GPC6: variants seen among roughly 807,000 people sequenced by gnomAD.
GPC6 encodes glypican 6.
In GPC6, 14 loss-of-function variants were observed where a neutral mutation model predicts 55.2. The observed-to-expected ratio is 0.25, with a 90% CI of 0.17 to 0.40. The LOEUF is 0.40. GPC6 is among the 10% of genes least tolerant of loss of function. The pLI is 1.00. For missense variants in GPC6, 641 were observed against 708.5 expected (o/e 0.90, Z 1.08); for synonymous variants, 278 against 259.6 (o/e 1.07, Z -0.68).
chr13:93,775,145 T>C (rs1885425617), intron 2 of GPC6, among the ~76,000 whole-genome samples: 1 of 152,202 alleles, frequency 6.6e-6, no homozygotes, highest in Non-Finnish European at 1.5e-5. Context: ...TGCTAAGTAG[T>C]TAATCCTCAT....
At chr13:94,256,422 A>G (rs981560093) in intron 4 of GPC6, among the ~76,000 whole-genome samples, 2 of 152,182 alleles carry the variant, frequency 1.3e-5, no homozygotes, top group Non-Finnish European at 2.9e-5. Flanking sequence ...CAGTGAGAAC[A>G]ATGATTTAGA....
chr13:94,183,909 AC>A (rs1468894585), intron 4 of GPC6, among the ~76,000 whole-genome samples: 2 of 152,180 alleles, frequency 1.3e-5, no homozygotes, highest in Admixed American at 6.5e-5. Context: ...TGGTTCATAG[AC>A]CACTGTAACA....
rs140353483 is a variant in GPC6, at chr13:93,292,810, T to G, written c.160+65194T>G. Among the ~76,000 whole-genome samples, 572 of 152,314 alleles carry G rather than the reference T, an allele frequency of 3.8e-3. 1 individual carries two copies. Among genetic ancestry groups the G allele is most frequent in the African/African-American group, 0.012 (511 of 41,564 alleles). Reference sequence around the variant, plus strand: ...TTCAAATATACAGTATTTAAATCTTTAGTAGGTGTCAATTTCTACAATTAA... The same window carrying G: ...TTCAAATATACAGTATTTAAATCTTGAGTAGGTGTCAATTTCTACAATTAA... On this transcript the variant is annotated intron_variant, in intron 1 of 8. Coordinates refer to ENST00000377047, the MANE Select transcript of GPC6 (RefSeq NM_005708.5).
chr13:93,588,217 A>G (rs1877294717), intron 2 of GPC6, among the ~76,000 whole-genome samples: 1 of 152,244 alleles, frequency 6.6e-6, no homozygotes, highest in Admixed American at 6.5e-5. Flanking sequence ...TTAAGAGGCT[A>G]CTTGAAGTAT....
At chr13:93,582,457 A>G (rs954943322) in intron 2 of GPC6, among the ~76,000 whole-genome samples, 5 of 152,238 alleles carry the variant, frequency 3.3e-5, no homozygotes, top group African/African-American at 1.2e-4. Context: ...TTAAAAGGCT[A>G]CAATGTAGAT....
At chr13:93,291,438 A>G (rs570381194) in intron 1 of GPC6, among the ~76,000 whole-genome samples, 1 of 152,304 alleles carries the variant, frequency 6.6e-6, no homozygotes, top group African/African-American at 2.4e-5. Context: ...GTTTCTGAAC[A>G]AAACAAAGAG....
At chr13:93,467,283 T>G (rs1468673426) in intron 1 of GPC6, among the ~76,000 whole-genome samples, 1 of 152,202 alleles carries the variant, frequency 6.6e-6, no homozygotes, top group African/African-American at 2.4e-5. Flanking sequence ...GCATATATAC[T>G]GGGAAGAATT....
intron 2 of GPC6, among the ~76,000 whole-genome samples, chr13:93,643,658 G>A (rs1486145021): frequency 3.9e-5 from 6 of 152,062 alleles, no homozygotes; most frequent in African/African-American, 1.4e-4. Context: ...TTTTTCACAT[G>A]AGAGTTTTCT....
intron 1 of GPC6, among the ~76,000 whole-genome samples, chr13:93,299,421 G>T (rs1043342575): frequency 6.6e-6 from 1 of 152,178 alleles, no homozygotes; most frequent in Non-Finnish European, 1.5e-5. Flanking sequence ...AAATGTGGAA[G>T]GAACAGTGAT....
intron 2 of GPC6, among the ~76,000 whole-genome samples, chr13:93,817,442 G>A (rs1376748570): frequency 6.6e-6 from 1 of 151,938 alleles, no homozygotes; most frequent in Non-Finnish European, 1.5e-5. Flanking sequence ...CCTTACCTTT[G>A]TAATTGAACT....
At chr13:93,839,128 T>G (rs562515696) in intron 3 of GPC6, among the ~76,000 whole-genome samples, 6 of 152,148 alleles carry the variant, frequency 3.9e-5, no homozygotes, top group African/African-American at 1.4e-4. Flanking sequence ...AAAACAGACC[T>G]TAGGATGTGG....
chr13:93,991,560 T>A lies in GPC6; in HGVS notation c.712-36169T>A, dbSNP rs74109177. On this transcript the variant is annotated intron_variant, in intron 3 of 8. Coordinates refer to ENST00000377047, the MANE Select transcript of GPC6 (RefSeq NM_005708.5). ...CCAAGCATGTCTTCTTAATTTCTAT[T>A]CACAATTGACTTATAGGAAGTTCCA... Among the ~76,000 whole-genome samples, 726 of 152,316 alleles carry A rather than the reference T, an allele frequency of 4.8e-3. 8 individuals carry two copies. The highest frequency in any genetic ancestry group is 0.015 in the African/African-American group (623 of 41,582).
intron 3 of GPC6, among the ~76,000 whole-genome samples, chr13:94,023,976 A>G (rs1388994279): frequency 6.6e-6 from 1 of 152,068 alleles, no homozygotes; most frequent in Non-Finnish European, 1.5e-5. Flanking sequence ...TGATGGGGAC[A>G]TTAGATGAGG....
intron 1 of GPC6, among the ~76,000 whole-genome samples, chr13:93,250,300 TG>T (rs1876741453): frequency 6.6e-6 from 1 of 151,970 alleles, no homozygotes; most frequent in Non-Finnish European, 1.5e-5. Context: ...GATAAAGGAG[TG>T]ACTCTTTCTC....
At chr13:93,745,117 T>C (rs947844982) in intron 2 of GPC6, among the ~76,000 whole-genome samples, 23 of 152,042 alleles carry the variant, frequency 1.5e-4, no homozygotes, top group African/African-American at 5.6e-4. Context: ...ATCCAGCTCA[T>C]TCCCTGGACA....
At chr13:94,110,398 G>A (rs145805473) in intron 4 of GPC6, among the ~76,000 whole-genome samples, 1 of 152,086 alleles carries the variant, frequency 6.6e-6, no homozygotes, top group Non-Finnish European at 1.5e-5. Context: ...AAACCTATCT[G>A]CCTATTATAG....
At chr13:93,439,591 G>A (rs1356609088) in intron 1 of GPC6, among the ~76,000 whole-genome samples, 1 of 151,718 alleles carries the variant, frequency 6.6e-6, no homozygotes, top group Admixed American at 6.6e-5. Context: ...GAACCCGGGA[G>A]GTGGACATTG....
chr13:94,178,084 T>A (rs1348732397), intron 4 of GPC6, among the ~76,000 whole-genome samples: 1 of 147,002 alleles, frequency 6.8e-6, no homozygotes, highest in Admixed American at 6.8e-5. Flanking sequence ...AGTGGTGCGA[T>A]CTCAACTCAC....
intron 4 of GPC6, among the ~76,000 whole-genome samples, chr13:94,202,343 G>C (rs559425205): frequency 7.2e-5 from 11 of 152,320 alleles, no homozygotes; most frequent in African/African-American, 2.6e-4. Flanking sequence ...CTGAGACTGG[G>C]TTATTTATAA....
Sources: gnomAD v4.1 joint callset for allele counts (sites outside exome capture counted in the v4.1 genomes callset) on GRCh38, gnomAD v4.1.1 for gene constraint, MANE v1.5 for transcripts, NCBI Gene and HGNC (gene_info 2026-07-23, HGNC 2026-07-21) for gene names.